Variants in MAPK10 observed in about 807,000 individuals in gnomAD.
MAPK10 encodes JNK3 alpha protein kinase.
A neutral mutation model predicts 59.3 loss-of-function variants in MAPK10; 25 were observed. The ratio of observed to expected loss-of-function variants is 0.42; its 90% CI spans 0.31 to 0.59. MAPK10 has a LOEUF of 0.59. Among genes scored for constraint, MAPK10 ranks in the 20% least tolerant of loss-of-function variants. The probability of loss-of-function intolerance (pLI) is 0.15; values close to 1 mark genes in which losing one functional copy is unlikely to be tolerated. For synonymous variants in MAPK10, 190 were observed against 200.5 expected (o/e 0.95, Z 0.44); for missense variants, 351 against 568.9 (o/e 0.62, Z 3.90).
intron 1 of MAPK10, among the ~76,000 whole-genome samples, chr4:86,429,164 T>C (rs888038511): frequency 6.6e-6 from 1 of 152,180 alleles, no homozygotes. Flanking sequence ...CTCAGCACAA[T>C]TGAACACATA....
At chr4:86,533,843 G>A (rs1758025006) in intron 1 of MAPK10, among the ~76,000 whole-genome samples, 1 of 152,158 alleles carries the variant, frequency 6.6e-6, no homozygotes, top group South Asian at 2.1e-4. Flanking sequence ...TGGACTTCAT[G>A]CCCCATGGAC....
intron 1 of MAPK10, among the ~76,000 whole-genome samples, chr4:86,488,558 C>T (rs1241336187): frequency 3.3e-5 from 5 of 152,132 alleles, no homozygotes; most frequent in African/African-American, 1.2e-4. Flanking sequence ...GATATGTATC[C>T]TCTAATCACC....
chr4:86,093,606 A>G (rs1016746819), intron 9 of MAPK10, among the ~76,000 whole-genome samples: 7 of 151,946 alleles, frequency 4.6e-5, no homozygotes, highest in Non-Finnish European at 1.0e-4. Context: ...CTAAGAATGT[A>G]CATATTTTGC....
intron 2 of MAPK10, among the ~76,000 whole-genome samples, chr4:86,336,131 G>A (rs1721177553): frequency 6.6e-6 from 1 of 152,062 alleles, no homozygotes; most frequent in South Asian, 2.1e-4. Flanking sequence ...GGATAAACAA[G>A]GAAATGTCTT....
intron 1 of MAPK10, among the ~76,000 whole-genome samples, chr4:86,422,855 A>T (rs1000383667): frequency 6.6e-6 from 1 of 152,188 alleles, no homozygotes; most frequent in Non-Finnish European, 1.5e-5. Context: ...AGCAAACAGG[A>T]ATTATATTAG....
Position 86,437,331 on chromosome 4 carries a change from T to C in MAPK10, c.-122+15699A>G, listed in dbSNP as rs138270984. Reference sequence around the variant, plus strand: ...AGTGGTTTTTTAAATCTTGATGGGATATTATAGTTTATCAAATGCTTTTTT... The same window carrying C: ...AGTGGTTTTTTAAATCTTGATGGGACATTATAGTTTATCAAATGCTTTTTT... On this transcript the variant is annotated intron_variant, in intron 1 of 13. Transcript: ENST00000361569. Among the ~76,000 whole-genome samples, 322 of 152,310 alleles carry C rather than the reference T, an allele frequency of 2.1e-3. 2 individuals carry two copies. Among genetic ancestry groups the C allele is most frequent in the African/African-American group, 7.5e-3 (311 of 41,574 alleles).
At chr4:86,117,198 C>T (rs964119619) in intron 4 of MAPK10, among the ~76,000 whole-genome samples, 4 of 152,172 alleles carry the variant, frequency 2.6e-5, no homozygotes, top group Non-Finnish European at 5.9e-5. Context: ...TGCTTGAGCC[C>T]GAGAGTTCAA....
At chr4:86,190,924 C>T (rs9994303) in intron 3 of MAPK10, among the ~76,000 whole-genome samples, 29,280 of 152,096 alleles carry the variant, frequency 0.19, 3,488 homozygotes, top group African/African-American at 0.33. Context: ...AGCTGTCTCC[C>T]AGAGATTCTG....
At chr4:86,270,310 G>A (rs560219590) in intron 2 of MAPK10, among the ~76,000 whole-genome samples, 82 of 151,566 alleles carry the variant, frequency 5.4e-4, no homozygotes, top group African/African-American at 1.9e-3. Flanking sequence ...GGTAATTTTC[G>A]TTTACTCTTT....
At chr4:86,393,022 T>C (rs1408453009) in intron 1 of MAPK10, among the ~76,000 whole-genome samples, 4 of 152,238 alleles carry the variant, frequency 2.6e-5, no homozygotes, top group Admixed American at 6.5e-5. Flanking sequence ...TGTCCTTGAA[T>C]GTAACTTCTT....
intron 2 of MAPK10, among the ~76,000 whole-genome samples, chr4:86,274,373 C>A (rs2094513896): frequency 6.6e-6 from 1 of 151,762 alleles, no homozygotes; most frequent in Non-Finnish European, 1.5e-5. Flanking sequence ...ATTCAGCAAC[C>A]AGAAGTAATT....
Position 86,137,580 on chromosome 4 carries a change from C to G in MAPK10, c.236+21718G>C, listed in dbSNP as rs527585998. ...AGCACTAAATGCCCACAAGAGAAAG[C>G]AGGAAAGATCCAAAATTGACACCCT... On this transcript the variant is annotated intron_variant, in intron 4 of 13. Coordinates refer to ENST00000641462, the MANE Select transcript of MAPK10 (RefSeq NM_138982.4). Among the ~76,000 whole-genome samples, 409 of 130,776 alleles carry G rather than the reference C, an allele frequency of 3.1e-3. 9 individuals carry two copies. Among genetic ancestry groups the G allele is most frequent in the African/African-American group, 0.013 (393 of 29,370 alleles). 85.8% of individuals were successfully genotyped at this position (130,776 alleles called of 152,430 possible). A position where few individuals can be genotyped will look rare whatever the true frequency, so the allele number is the denominator to read the frequency against.
intron 4 of MAPK10, chr4:86,124,204 CTGAATT>C (rs1199053756): frequency 2.6e-5 from 4 of 151,804 alleles, no homozygotes; most frequent in Non-Finnish European, 4.4e-5. Flanking sequence ...GAAATGGACT[CTGAATT>C]TGTTGTGGTG....
At chr4:86,323,061 G>C (rs1476846970) in intron 2 of MAPK10, among the ~76,000 whole-genome samples, 3 of 152,158 alleles carry the variant, frequency 2.0e-5, no homozygotes, top group Non-Finnish European at 4.4e-5. Context: ...TATAGTCCCA[G>C]CTACTCTGGG....
chr4:86,230,464 G>T (rs1332128773), intron 2 of MAPK10, among the ~76,000 whole-genome samples: 1 of 152,114 alleles, frequency 6.6e-6, no homozygotes. Flanking sequence ...TTTAAAAATA[G>T]ACTATCTCTT....
At chr4:86,398,253 G>GAAAAC (rs1743238459) in intron 1 of MAPK10, among the ~76,000 whole-genome samples, 1 of 151,152 alleles carries the variant, frequency 6.6e-6, no homozygotes, top group African/African-American at 2.4e-5. Context: ...GAAAAGAAAA[G>GAAAAC]AAAAAAGGCC....
chr4:86,036,548 G>C (rs947047813), intron 11 of MAPK10, among the ~76,000 whole-genome samples: 1 of 151,872 alleles, frequency 6.6e-6, no homozygotes, highest in African/African-American at 2.4e-5. Flanking sequence ...AGGAAACTAA[G>C]ATTCAAGGAA....
intron 1 of MAPK10, among the ~76,000 whole-genome samples, chr4:86,588,528 C>A (rs1762792118): frequency 6.6e-6 from 1 of 151,984 alleles, no homozygotes; most frequent in Admixed American, 6.6e-5. Flanking sequence ...TATTGGTTTA[C>A]CAGAGTTTAA....
At chr4:86,188,802 T>A (rs972710020) in intron 3 of MAPK10, among the ~76,000 whole-genome samples, 2 of 152,156 alleles carry the variant, frequency 1.3e-5, no homozygotes, top group African/African-American at 4.8e-5. Flanking sequence ...GGTGTTTTAG[T>A]CATGAAGTCT....
Sources: gnomAD v4.1 joint callset for allele counts (sites outside exome capture counted in the v4.1 genomes callset) on GRCh38, gnomAD v4.1.1 for gene constraint, MANE v1.5 for transcripts, NCBI Gene and HGNC (gene_info 2026-07-23, HGNC 2026-07-21) for gene names.